Variants in DMD observed in about 807,000 individuals in gnomAD.
DMD encodes mutant dystrophin.
DMD carries 63 observed loss-of-function variants against 330.1 expected under a neutral mutation model. That is an observed-to-expected ratio of 0.19 (90% confidence interval 0.16 to 0.24). DMD has a LOEUF of 0.24. Among genes scored for constraint, DMD ranks in the 10% least tolerant of loss-of-function variants. The probability of loss-of-function intolerance (pLI) is 1.00; values close to 1 mark genes in which losing one functional copy is unlikely to be tolerated. For missense variants in DMD, 3,344 were observed against 2,684.1 expected, an observed-to-expected ratio of 1.25 and a Z score of -5.43; for synonymous variants, 1,223 against 959.8, an observed-to-expected ratio of 1.27 and a Z score of -5.07.
chrX:31,414,344 G>A (rs1009866010), intron 60 of DMD, among the ~76,000 whole-genome samples: 6 of 111,977 alleles, frequency 5.4e-5, no homozygotes, highest in South Asian at 3.7e-4. Flanking sequence ...AGATAAAAGC[G>A]ACAAGCCAAA....
intron 44 of DMD, among the ~76,000 whole-genome samples, chrX:32,063,187 A>AAC (rs113943502): frequency 0.022 from 2,241 of 100,729 alleles, 41 homozygotes; most frequent in African/African-American, 0.059. Flanking sequence ...AAGTATGTCT[A>AAC]ACACACACAC....
chrX:31,373,395 C>A (rs1467797883), intron 60 of DMD, among the ~76,000 whole-genome samples: 4 of 96,154 alleles, frequency 4.2e-5, no homozygotes, highest in African/African-American at 1.4e-4. Flanking sequence ...AAGCTGGAGG[C>A]ATCACGCTAC....
At chrX:33,186,011 TGAC>T (rs2050244035) in intron 1 of DMD, among the ~76,000 whole-genome samples, 1 of 111,919 alleles carries the variant, frequency 8.9e-6, no homozygotes, top group Non-Finnish European at 1.9e-5. Flanking sequence ...CTCAGTTTTA[TGAC>T]TAAAGAAGTC....
At chrX:32,827,062 C>CA (rs2078763420) in intron 4 of DMD, among the ~76,000 whole-genome samples, 1 of 63,221 alleles carries the variant, frequency 1.6e-5, no homozygotes, top group Non-Finnish European at 3.0e-5. Context: ...TCGCACCCCC[C>CA]CCCCACACAC....
chrX:33,002,850 G>GAAA (rs145168802), intron 2 of DMD, among the ~76,000 whole-genome samples: 239 of 38,335 alleles, frequency 6.2e-3, no homozygotes, highest in Non-Finnish European at 8.1e-3. Flanking sequence ...TTTTTTTCTC[G>GAAA]AAAAAAAAAA....
chrX:32,854,912 C>G (rs747625215), intron 2 of DMD, among the ~76,000 whole-genome samples: 25 of 111,639 alleles, frequency 2.2e-4, no homozygotes, highest in Non-Finnish European at 3.8e-4. Context: ...CTGACAAATA[C>G]TGATACAAAA....
chrX:32,500,692 G>A (rs2043965816), intron 19 of DMD, among the ~76,000 whole-genome samples: 1 of 111,304 alleles, frequency 9.0e-6, no homozygotes, highest in South Asian at 3.7e-4. Flanking sequence ...AAAATCTACT[G>A]GTATTTTCAT....
chrX:32,702,111 G>A (rs1342621476), intron 7 of DMD, among the ~76,000 whole-genome samples: 1 of 111,756 alleles, frequency 8.9e-6, no homozygotes, highest in Non-Finnish European at 1.9e-5. Flanking sequence ...TATTTTAATG[G>A]ATTATCCAGG....
At chrX:31,163,899 A>G (rs191027643) in intron 74 of DMD, among the ~76,000 whole-genome samples, 160 of 111,584 alleles carry the variant, frequency 1.4e-3, no homozygotes, top group African/African-American at 4.9e-3. Flanking sequence ...TAACCCCAAC[A>G]ACCATAAATA....
intron 22 of DMD, among the ~76,000 whole-genome samples, chrX:32,469,876 C>T (rs1161758898): frequency 9.0e-6 from 1 of 111,006 alleles, no homozygotes; most frequent in African/African-American, 3.3e-5. Context: ...CAATCAATAT[C>T]CTATCTATCT....
At chrX:32,302,317 T>G (rs774444121) in intron 42 of DMD, among the ~76,000 whole-genome samples, 48 of 111,055 alleles carry the variant, frequency 4.3e-4, no homozygotes, top group Non-Finnish European at 7.2e-4. Context: ...ACCATGATAT[T>G]TGGTGGGTTA....
At chrX:33,081,336 C>G (rs1021581668) in intron 1 of DMD, among the ~76,000 whole-genome samples, 4 of 111,914 alleles carry the variant, frequency 3.6e-5, no homozygotes, top group Non-Finnish European at 7.5e-5. Flanking sequence ...TGCAGTGGTG[C>G]TATCTCAGCT....
intron 28 of DMD, among the ~76,000 whole-genome samples, chrX:32,440,311 T>G (rs761865553): frequency 8.9e-6 from 1 of 111,779 alleles, no homozygotes; most frequent in African/African-American, 3.2e-5. Context: ...CATTGTACTT[T>G]AATATCTTTT....
At chrX:31,127,078 A>C (rs2033825461) in intron 77 of DMD, among the ~76,000 whole-genome samples, 1 of 112,237 alleles carries the variant, frequency 8.9e-6, no homozygotes, top group African/African-American at 3.2e-5. Flanking sequence ...TGAAACATAA[A>C]CAGTAGTTGA....
intron 1 of DMD, among the ~76,000 whole-genome samples, chrX:33,135,444 C>A (rs1305534816): frequency 8.9e-6 from 1 of 111,937 alleles, no homozygotes; most frequent in African/African-American, 3.2e-5. Flanking sequence ...AAATTAGAAG[C>A]AAACTAAATA....
chrX:32,572,944 C>T (rs1044279357), intron 15 of DMD, among the ~76,000 whole-genome samples: 1 of 111,095 alleles, frequency 9.0e-6, no homozygotes, highest in Admixed American at 9.7e-5. Flanking sequence ...TTTGTTTCCA[C>T]TCTTGCAATG....
In DMD at chrX:32,556,367, G is replaced by A. The variant is rs188787167; in HGVS notation, c.1992+9335C>T. Among the ~76,000 whole-genome samples the A allele has an allele frequency of 7.2e-5, 8 of 111,485 alleles. No homozygotes were observed. In the East Asian group the frequency reaches 2.3e-3, roughly 32 times the overall value. ...GGGAACACTTTTACACTCTTGGTGGGAGTGTAAATTAGTTCAACCCTTGTG... is the reference window on the plus strand; with the variant it reads ...GGGAACACTTTTACACTCTTGGTGGAAGTGTAAATTAGTTCAACCCTTGTG... On this transcript the variant is annotated intron_variant, in intron 16 of 78. Coordinates refer to ENST00000357033, the MANE Select transcript of DMD (RefSeq NM_004006.3).
intron 9 of DMD, among the ~76,000 whole-genome samples, chrX:32,693,286 A>G (rs1040904625): frequency 2.7e-5 from 3 of 112,296 alleles, no homozygotes; most frequent in Non-Finnish European, 5.6e-5. Flanking sequence ...AAACATCTGA[A>G]CTAAAGAACT....
chrX:33,239,551 T>C (rs1383777593), intron 1 of DMD, among the ~76,000 whole-genome samples: 1 of 111,672 alleles, frequency 9.0e-6, no homozygotes, highest in African/African-American at 3.3e-5. Context: ...GATCAGATAA[T>C]ATGTCTGCAT....
Sources: allele counts gnomAD v4.1 joint callset (sites outside exome capture counted in the v4.1 genomes callset), GRCh38; gene constraint gnomAD v4.1.1; transcripts MANE v1.5; gene names NCBI Gene and HGNC (gene_info 2026-07-23, HGNC 2026-07-21).